DPY19L2: variants seen among roughly 807,000 people sequenced by gnomAD.
DPY19L2 encodes the protein probable C-mannosyltransferase DPY19L2.
A neutral mutation model predicts 97.9 loss-of-function variants in DPY19L2; 34 were observed. That is an observed-to-expected ratio of 0.35 (90% confidence interval 0.26 to 0.46). The LOEUF is 0.46. Among genes scored for constraint, DPY19L2 ranks in the 20% least tolerant of loss-of-function variants. The probability of loss-of-function intolerance (pLI) is 1.00; values close to 1 mark genes in which losing one functional copy is unlikely to be tolerated. For missense variants in DPY19L2, 623 were observed against 911.4 expected, an observed-to-expected ratio of 0.68 and a Z score of 4.07; for synonymous variants, 230 against 307.9, an observed-to-expected ratio of 0.75 and a Z score of 2.65.
chr12:63,590,202 C>G (rs1053462846), intron 16 of DPY19L2, among the ~76,000 whole-genome samples: 1 of 152,032 alleles, frequency 6.6e-6, no homozygotes, highest in African/African-American at 2.4e-5. Context: ...TAAACAAACA[C>G]ATGAAAAGCT....
chr12:63,569,522 T>C (rs1878402907), intron 20 of DPY19L2, 173 bp from the exon 21 acceptor site: 2 of 442,380 alleles, frequency 4.5e-6, no homozygotes, highest in East Asian at 4.4e-5. Flanking sequence ...TTCCTACTTA[T>C]ATTTTGAATG....
At chr12:63,655,383 T>A (rs147113726) in intron 4 of DPY19L2, among the ~76,000 whole-genome samples, 3,391 of 152,282 alleles carry the variant, frequency 0.022, 145 homozygotes, top group African/African-American at 0.077. Flanking sequence ...CATTGACTAC[T>A]GAGTATGTAG....
intron 21 of DPY19L2, among the ~76,000 whole-genome samples, chr12:63,566,015 G>A (rs1179609908): frequency 6.6e-6 from 1 of 151,954 alleles, no homozygotes; most frequent in Non-Finnish European, 1.5e-5. Flanking sequence ...CTTTTCTAAT[G>A]TTTACTCACA....
At chr12:63,657,463 TCA>T (rs1011589381) in intron 4 of DPY19L2, among the ~76,000 whole-genome samples, 5 of 152,132 alleles carry the variant, frequency 3.3e-5, no homozygotes, top group African/African-American at 7.2e-5. Flanking sequence ...CAATTAAGCC[TCA>T]GTCTTAGACA....
rs187320756 is a variant in DPY19L2, at chr12:63,668,171, T to C, written c.223A>G (p.Lys75Glu). 10 of 1,613,982 alleles carry C rather than the reference T, an allele frequency of 6.2e-6. No individual in the cohort carries two copies. In the Admixed American group the frequency reaches 6.7e-5, roughly 11 times the overall value. ...TGGAAGGGGCCGAGAAGAAAGGTCT[T>C]GGCCACCACCTCTAGCTCCAAGCCT... The part of the protein sequence containing the change: ...RKGLELEVVA[K>E]TFLLGPFQFV... The change falls in exon 1 of 22, where the codon AAG (lysine) becomes GAG (glutamate). Residue 75 changes from lysine to glutamate, a missense_variant. By Grantham distance (56) the Lys-to-Glu change is moderately conservative. Coordinates refer to ENST00000324472, the MANE Select transcript of DPY19L2 (RefSeq NM_173812.5).
chr12:63,565,932 A>G (rs1478494467), intron 21 of DPY19L2, among the ~76,000 whole-genome samples: 1 of 152,154 alleles, frequency 6.6e-6, no homozygotes, highest in Non-Finnish European at 1.5e-5. Flanking sequence ...GCATTATAAA[A>G]CATAGTCATT....
chr12:63,632,289 A>T (rs1890834152), intron 6 of DPY19L2, among the ~76,000 whole-genome samples: 1 of 152,210 alleles, frequency 6.6e-6, no homozygotes, highest in Non-Finnish European at 1.5e-5. Flanking sequence ...CTGTTTGCAG[A>T]TGACATGATT....
At chr12:63,631,118 C>G (rs185059677) in intron 6 of DPY19L2, among the ~76,000 whole-genome samples, 425 of 151,894 alleles carry the variant, frequency 2.8e-3, no homozygotes, top group African/African-American at 9.9e-3. Flanking sequence ...GAAAGCAGGA[C>G]AGATCTAAAA....
At chr12:63,660,032 G>T (rs186966046) in intron 4 of DPY19L2, among the ~76,000 whole-genome samples, 17 of 152,112 alleles carry the variant, frequency 1.1e-4, no homozygotes, top group Admixed American at 7.9e-4. Context: ...AAATCACAGG[G>T]TCTGACAATT....
chr12:63,604,107 A>G (rs1885640973), intron 12 of DPY19L2, among the ~76,000 whole-genome samples: 1 of 152,172 alleles, frequency 6.6e-6, no homozygotes. Context: ...TTTCCCCTTC[A>G]TTCCTAAAGG....
chr12:63,623,652 T>G (rs1381750081), intron 8 of DPY19L2: 2 of 158,160 alleles, frequency 1.3e-5, no homozygotes, highest in African/African-American at 4.8e-5. Context: ...AACTAAAAAA[T>G]GGTCTAAATT....
At chr12:63,592,529 G>A (rs1883295515) in intron 16 of DPY19L2, among the ~76,000 whole-genome samples, 1 of 150,452 alleles carries the variant, frequency 6.6e-6, no homozygotes, top group Non-Finnish European at 1.5e-5. Flanking sequence ...AGAAAAAGAA[G>A]CAATGGGGAA....
intron 19 of DPY19L2, among the ~76,000 whole-genome samples, chr12:63,571,668 G>C (rs921870887): frequency 6.6e-6 from 1 of 152,044 alleles, no homozygotes; most frequent in African/African-American, 2.4e-5. Context: ...GTTACCATTT[G>C]ACTTGACACC....
At chr12:63,571,987 C>G (rs528892789) in intron 19 of DPY19L2, among the ~76,000 whole-genome samples, 36 of 152,228 alleles carry the variant, frequency 2.4e-4, no homozygotes, top group African/African-American at 8.7e-4. Context: ...AAGTAGAAGC[C>G]TCCACTGTTC....
intron 18 of DPY19L2, among the ~76,000 whole-genome samples, chr12:63,581,962 G>A (rs1220144224): frequency 6.7e-6 from 1 of 149,198 alleles, no homozygotes; most frequent in African/African-American, 2.5e-5. Flanking sequence ...CACCATACCC[G>A]GCTAATTTTT....
At chr12:63,634,605 T>C (rs1469189004) in intron 6 of DPY19L2, among the ~76,000 whole-genome samples, 1 of 151,896 alleles carries the variant, frequency 6.6e-6, no homozygotes, top group Non-Finnish European at 1.5e-5. Context: ...TTTCCAACGG[T>C]CTTAGCAAAC....
At position 63,582,496 on chromosome 12, in the gene DPY19L2, C is replaced by T. The variant is rs1268616912; in HGVS notation, c.1635G>A (p.Val545=). The change falls in exon 18 of 22, where the codon GTG becomes GTA. Residue 545 remains valine (V), a synonymous_variant. Transcript: ENST00000324472. ...TAATTAAAATGGCAAGGGCAGTAAA[C>T]ACTAACAACTGCAATGTGTGAAAAG... ...ELAFHTLQLL[V]FTALAILIMR... The T allele has an allele frequency of 6.2e-7, 1 of 1,613,236 alleles. No homozygotes were observed. Among genetic ancestry groups the T allele is most frequent in the Non-Finnish European group, 8.5e-7 (1 of 1,179,504 alleles).
At chr12:63,606,300 A>G (rs532549611) in intron 12 of DPY19L2, among the ~76,000 whole-genome samples, 2 of 152,158 alleles carry the variant, frequency 1.3e-5, no homozygotes, top group East Asian at 1.9e-4. Context: ...ATAAAATGTG[A>G]AAAAGCACAT....
At chr12:63,624,357 G>A (rs563114170) in intron 7 of DPY19L2, among the ~76,000 whole-genome samples, 27 of 151,960 alleles carry the variant, frequency 1.8e-4, no homozygotes, top group Non-Finnish European at 2.9e-4. Flanking sequence ...ATATCAGACC[G>A]AGCAAAAGGA....
Sources: allele counts gnomAD v4.1 joint callset (sites outside exome capture counted in the v4.1 genomes callset), GRCh38; gene constraint gnomAD v4.1.1; transcripts MANE v1.5; gene names NCBI Gene and HGNC (gene_info 2026-07-23, HGNC 2026-07-21).